Variants in CAMTA1 observed in about 807,000 individuals in gnomAD.
CAMTA1 encodes the protein calmodulin-binding transcription activator 1.
CAMTA1 carries 27 observed loss-of-function variants against 170.9 expected under a neutral mutation model. The observed-to-expected ratio is 0.16, with a 90% CI of 0.12 to 0.22. The LOEUF is 0.22. Among genes scored for constraint, CAMTA1 ranks in the 10% least tolerant of loss-of-function variants. CAMTA1 has a pLI of 1.00. For synonymous variants in CAMTA1, 833 were observed against 891.5 expected, an observed-to-expected ratio of 0.93 and a Z score of 1.17; for missense variants, 1,619 against 2,217.2, an observed-to-expected ratio of 0.73 and a Z score of 5.42.
chr1:7,287,568 C>G (rs1258184321), intron 5 of CAMTA1, among the ~76,000 whole-genome samples: 2 of 152,178 alleles, frequency 1.3e-5, no homozygotes, highest in African/African-American at 2.4e-5. Context: ...AATAAACAAG[C>G]CCTTTCCTTC....
Position 7,665,788 on chromosome 1 carries a change from G to A in CAMTA1, c.2652+589G>A, listed in dbSNP as rs763007146. Among the ~76,000 whole-genome samples the A allele has an allele frequency of 7.2e-5, 11 of 152,172 alleles. No homozygotes were observed. Among genetic ancestry groups the A allele is most frequent in the Admixed American group, 1.3e-4 (2 of 15,292 alleles). ...CCAGCTCCAGCCAGAGTCGTCTGCCGTTTCTCAATTTATGTGTTGAGTCCA... is the reference window on the plus strand; with the variant it reads ...CCAGCTCCAGCCAGAGTCGTCTGCCATTTCTCAATTTATGTGTTGAGTCCA... On this transcript the variant is annotated intron_variant, in intron 9 of 22. Transcript: ENST00000303635. The surrounding 1 kb of genome is among the most constrained non-coding windows in gnomAD (Gnocchi z 4.3).
intron 3 of CAMTA1, among the ~76,000 whole-genome samples, chr1:6,848,956 A>G (rs1225568249): frequency 1.3e-5 from 2 of 151,958 alleles, no homozygotes; most frequent in East Asian, 3.9e-4. Context: ...TTTTCGTGAC[A>G]TTTTCTGTTT....
intron 4 of CAMTA1, among the ~76,000 whole-genome samples, chr1:7,231,190 G>A (rs931037737): frequency 2.0e-5 from 3 of 152,192 alleles, no homozygotes; most frequent in Admixed American, 6.5e-5. Context: ...TGGGCCTGAA[G>A]CTTGGAAATA....
At chr1:7,568,959 TATC>T (rs1459467866) in intron 6 of CAMTA1, among the ~76,000 whole-genome samples, 14 of 145,984 alleles carry the variant, frequency 9.6e-5, no homozygotes, top group African/African-American at 2.5e-5. Context: ...CCATCTCCAT[TATC>T]ATCATCACCA....
At chr1:7,488,471 C>T (rs2093648483) in intron 6 of CAMTA1, among the ~76,000 whole-genome samples, 1 of 152,226 alleles carries the variant, frequency 6.6e-6, no homozygotes, top group South Asian at 2.1e-4. Flanking sequence ...TATTTCTGCC[C>T]ATCCCATCAC....
At chr1:7,109,715 A>G (rs1643897139) in intron 4 of CAMTA1, among the ~76,000 whole-genome samples, 2 of 152,232 alleles carry the variant, frequency 1.3e-5, no homozygotes, top group Admixed American at 1.3e-4. Context: ...TGTCACAGTA[A>G]AAACGGGCAG....
At chr1:7,082,437 C>T (rs1407160370) in intron 3 of CAMTA1, among the ~76,000 whole-genome samples, 3 of 92,596 alleles carry the variant, frequency 3.2e-5, no homozygotes, top group Admixed American at 2.2e-4. Flanking sequence ...GACTGCATCT[C>T]GAAATAGATA....
In CAMTA1 at chr1:7,534,669, G is replaced by A. The variant is rs930436688; in HGVS notation, c.510+66768G>A. Among the ~76,000 whole-genome samples the A allele has an allele frequency of 1.3e-5, 2 of 152,136 alleles. No individual in the cohort carries two copies. The highest frequency in any genetic ancestry group is 2.9e-5 in the Non-Finnish European group (2 of 68,030). ...TCCAGGGTCACAGCAGTGGACGTTC[G>A]GGCCGAGGGGAGCTGAGGCCACGGC... On this transcript the variant is annotated intron_variant, in intron 6 of 22. Transcript: ENST00000303635. The surrounding 1 kb of genome is among the most constrained non-coding windows in gnomAD (Gnocchi z 5.6).
intron 5 of CAMTA1, among the ~76,000 whole-genome samples, chr1:7,254,168 C>T (rs1450165128): frequency 6.6e-6 from 1 of 152,110 alleles, no homozygotes; most frequent in Non-Finnish European, 1.5e-5. Flanking sequence ...GAGAATCAGC[C>T]AATGTGACTT....
intron 3 of CAMTA1, among the ~76,000 whole-genome samples, chr1:6,842,587 A>G (rs774910543): frequency 2.6e-5 from 4 of 152,244 alleles, no homozygotes; most frequent in Non-Finnish European, 5.9e-5. Flanking sequence ...GACTGCTTTC[A>G]AAAGAAGTCT....
chr1:7,425,036 A>G (rs982229091), intron 5 of CAMTA1, among the ~76,000 whole-genome samples: 2 of 152,070 alleles, frequency 1.3e-5, no homozygotes, highest in Non-Finnish European at 2.9e-5. Context: ...TAGACCTGAG[A>G]GCACTGCTTA....
At chr1:6,814,106 C>T (rs1340949612) in intron 1 of CAMTA1, among the ~76,000 whole-genome samples, 1 of 152,094 alleles carries the variant, frequency 6.6e-6, no homozygotes, top group Non-Finnish European at 1.5e-5. Flanking sequence ...GATAAAATCT[C>T]ATTTTGAGTA....
At chr1:7,326,044 A>G (rs1679215399) in intron 5 of CAMTA1, among the ~76,000 whole-genome samples, 1 of 152,090 alleles carries the variant, frequency 6.6e-6, no homozygotes, top group Non-Finnish European at 1.5e-5. Context: ...TTTTTAGTAG[A>G]GACAGTGTTT....
At chr1:7,246,138 C>T (rs1329067293) in intron 4 of CAMTA1, among the ~76,000 whole-genome samples, 1 of 152,240 alleles carries the variant, frequency 6.6e-6, no homozygotes, top group East Asian at 1.9e-4. Flanking sequence ...ACTGGCCCCA[C>T]AGCCTGTGCT....
chr1:7,143,631 G>A (rs1646015200), intron 4 of CAMTA1, among the ~76,000 whole-genome samples: 1 of 152,092 alleles, frequency 6.6e-6, no homozygotes, highest in Admixed American at 6.5e-5. Context: ...GGATGCCCTG[G>A]GTATTGTGTC....
At chr1:7,358,442 A>G (rs1047629023) in intron 5 of CAMTA1, among the ~76,000 whole-genome samples, 1 of 152,084 alleles carries the variant, frequency 6.6e-6, no homozygotes, top group African/African-American at 2.4e-5. Flanking sequence ...TGTATTTTTT[A>G]TTGATGTAGT....
intron 4 of CAMTA1, chr1:7,142,092 AC>A: frequency 1.9e-6 from 1 of 518,434 alleles, no homozygotes; most frequent in Non-Finnish European, 3.9e-6. Context: ...TCTTCCTGGT[AC>A]CCCTTCTGTT....
intron 1 of CAMTA1, among the ~76,000 whole-genome samples, chr1:6,817,475 C>G (rs1645961212): frequency 6.6e-6 from 1 of 152,182 alleles, no homozygotes; most frequent in Non-Finnish European, 1.5e-5. Context: ...TGGAGATCTT[C>G]CCATGAACCA....
At chr1:6,814,851 C>G (rs1337627917) in intron 1 of CAMTA1, among the ~76,000 whole-genome samples, 2 of 152,140 alleles carry the variant, frequency 1.3e-5, no homozygotes, top group Non-Finnish European at 2.9e-5. Context: ...GTTCCAAAGC[C>G]TGTAATCACT....
Sources: allele counts gnomAD v4.1 joint callset (sites outside exome capture counted in the v4.1 genomes callset), GRCh38; gene constraint gnomAD v4.1.1; non-coding constraint Gnocchi (gnomAD v3.1); transcripts MANE v1.5; gene names NCBI Gene and HGNC (gene_info 2026-07-23, HGNC 2026-07-21).